The following CCSER1 variants were observed in gnomAD, a reference collection of about 807,000 sequenced individuals.
The protein encoded by CCSER1 is coiled-coil serine rich protein 1.
CCSER1 carries 41 observed loss-of-function variants against 82.0 expected under a neutral mutation model. The observed-to-expected ratio is 0.50, with a 90% CI of 0.39 to 0.65. The LOEUF (loss-of-function observed/expected upper bound fraction) is 0.65. CCSER1 is among the 30% of genes least tolerant of loss of function. The probability of loss-of-function intolerance (pLI) is 0.00; values close to 1 mark genes in which losing one functional copy is unlikely to be tolerated. For synonymous variants in CCSER1, 414 were observed against 383.9 expected, an observed-to-expected ratio of 1.08 and a Z score of -0.92; for missense variants, 1,119 against 1,064.2, an observed-to-expected ratio of 1.05 and a Z score of -0.72.
At chr4:91,508,260 A>G (rs905893532) in intron 10 of CCSER1, among the ~76,000 whole-genome samples, 3 of 149,810 alleles carry the variant, frequency 2.0e-5, no homozygotes, top group Non-Finnish European at 4.4e-5. Flanking sequence ...TCACATATGA[A>G]ATTTGAAGAA....
intron 1 of CCSER1, among the ~76,000 whole-genome samples, chr4:90,146,950 C>G (rs1203153819): frequency 1.3e-5 from 2 of 152,004 alleles, no homozygotes; most frequent in Non-Finnish European, 2.9e-5. Flanking sequence ...TTTTTATGAT[C>G]TCAAGAATTT....
At chr4:90,967,683 A>G (rs756452194) in intron 9 of CCSER1, among the ~76,000 whole-genome samples, 1 of 152,140 alleles carries the variant, frequency 6.6e-6, no homozygotes, top group Non-Finnish European at 1.5e-5. Flanking sequence ...ATAAACAACT[A>G]TAACAATATA....
chr4:90,821,737 GA>G (rs1759748716), intron 8 of CCSER1, among the ~76,000 whole-genome samples: 1 of 152,084 alleles, frequency 6.6e-6, no homozygotes, highest in East Asian at 1.9e-4. Context: ...ATAAAACAGA[GA>G]GATATTTTTC....
Position 90,397,985 on chromosome 4 carries a change from C to T in CCSER1, c.1510-2051C>T, listed in dbSNP as rs929893617. 3.6e-4 allele frequency among the ~76,000 whole-genome samples: 55 copies of T among 152,182 alleles called. 1 individual carries two copies. The highest frequency in any genetic ancestry group is 7.4e-5 in the Non-Finnish European group (5 of 68,024). On this transcript the variant is annotated intron_variant, in intron 3 of 10. Transcript: ENST00000509176. ...GGCTGCCATAACAAAATACTACAGA[C>T]TGGGTGGCTTAAACAACAGAAATTT... is the stretch of plus-strand genomic sequence containing the variant.
intron 9 of CCSER1, among the ~76,000 whole-genome samples, chr4:90,966,167 T>C (rs1734542620): frequency 6.7e-6 from 1 of 150,126 alleles, no homozygotes; most frequent in Admixed American, 6.6e-5. Flanking sequence ...TAAGAAGGAG[T>C]GAAGAGAAAG....
intron 9 of CCSER1, among the ~76,000 whole-genome samples, chr4:90,993,687 C>T (rs1737241397): frequency 6.6e-6 from 1 of 151,912 alleles, no homozygotes; most frequent in African/African-American, 2.4e-5. Flanking sequence ...AGATAGCTGC[C>T]TTGTGGCTGA....
chr4:90,314,798 G>C (rs181338459), intron 3 of CCSER1, among the ~76,000 whole-genome samples: 93 of 142,236 alleles, frequency 6.5e-4, no homozygotes, highest in Admixed American at 3.1e-3. Context: ...TGTAAAAAGT[G>C]CTTCTTATAA....
At chr4:90,460,489 A>T (rs1762758639) in intron 4 of CCSER1, among the ~76,000 whole-genome samples, 1 of 152,066 alleles carries the variant, frequency 6.6e-6, no homozygotes, top group East Asian at 1.9e-4. Context: ...TTTGGGTGAT[A>T]TGAGGTAAGC....
At chr4:91,527,383 T>C (rs897824478) in intron 10 of CCSER1, among the ~76,000 whole-genome samples, 2 of 152,210 alleles carry the variant, frequency 1.3e-5, no homozygotes, top group African/African-American at 4.8e-5. Flanking sequence ...TAAAGGTCAC[T>C]GAGCATGACC....
intron 3 of CCSER1, among the ~76,000 whole-genome samples, chr4:90,371,172 A>C (rs1747337821): frequency 6.7e-6 from 1 of 149,692 alleles, no homozygotes; most frequent in Non-Finnish European, 1.5e-5. Flanking sequence ...ACTTTTGAGT[A>C]GATAGTGGAA....
intron 10 of CCSER1, among the ~76,000 whole-genome samples, chr4:91,376,843 G>C (rs895157705): frequency 1.2e-4 from 18 of 152,064 alleles, no homozygotes; most frequent in Non-Finnish European, 1.5e-4. Flanking sequence ...GTGCCATGTT[G>C]GTGTGCTGCA....
intron 10 of CCSER1, among the ~76,000 whole-genome samples, chr4:91,459,161 A>G (rs988681579): frequency 1.3e-5 from 2 of 152,040 alleles, no homozygotes; most frequent in African/African-American, 2.4e-5. Flanking sequence ...CAGAAATTCT[A>G]TAGTGAAAAA....
intron 5 of CCSER1, among the ~76,000 whole-genome samples, chr4:90,497,903 G>C (rs1769278404): frequency 6.6e-6 from 1 of 152,050 alleles, no homozygotes; most frequent in African/African-American, 2.4e-5. Flanking sequence ...CTTCTCATGA[G>C]GGAGTGCAGG....
At chr4:90,726,652 A>G (rs1313493608) in intron 7 of CCSER1, among the ~76,000 whole-genome samples, 2 of 152,122 alleles carry the variant, frequency 1.3e-5, no homozygotes, top group Non-Finnish European at 2.9e-5. Context: ...CCCCACATAC[A>G]TACTCACTTC....
At chr4:90,888,685 A>G (rs1346006016) in intron 8 of CCSER1, among the ~76,000 whole-genome samples, 1 of 152,170 alleles carries the variant, frequency 6.6e-6, no homozygotes, top group Non-Finnish European at 1.5e-5. Flanking sequence ...AAATCAAGTT[A>G]AGTCCTTTGA....
At chr4:91,351,625 G>A (rs1450267727) in intron 10 of CCSER1, among the ~76,000 whole-genome samples, 1 of 152,060 alleles carries the variant, frequency 6.6e-6, no homozygotes, top group Non-Finnish European at 1.5e-5. Flanking sequence ...TATAAAATAT[G>A]GGGAATATTT....
intron 10 of CCSER1, among the ~76,000 whole-genome samples, chr4:91,235,728 C>T (rs757821747): frequency 1.3e-4 from 19 of 151,870 alleles, no homozygotes; most frequent in South Asian, 4.2e-4. Flanking sequence ...AATTAGAAGG[C>T]GTTCTTTTGA....
intron 1 of CCSER1, among the ~76,000 whole-genome samples, chr4:90,273,167 T>G (rs1726901242): frequency 6.6e-6 from 1 of 152,082 alleles, no homozygotes. Flanking sequence ...ATTAAAACGT[T>G]TGTACTCATG....
intron 9 of CCSER1, among the ~76,000 whole-genome samples, chr4:91,035,363 T>A (rs1016782279): frequency 6.6e-6 from 1 of 152,078 alleles, no homozygotes; most frequent in Non-Finnish European, 1.5e-5. Context: ...AAAAAAATCA[T>A]CCTTTGGTCT....
Sources: allele counts gnomAD v4.1 joint callset (sites outside exome capture counted in the v4.1 genomes callset), GRCh38; gene constraint gnomAD v4.1.1; transcripts MANE v1.5; gene names NCBI Gene and HGNC (gene_info 2026-07-23, HGNC 2026-07-21).